Variants in LDAH observed in about 807,000 individuals in gnomAD.
LDAH encodes lipid droplet-associated hydrolase.
Under a neutral mutation model 29.6 loss-of-function variants are expected in LDAH, and 26 were observed. That is an observed-to-expected ratio of 0.88 (90% CI 0.64 to 1.22). The LOEUF is 1.22. Ranked by LOEUF, LDAH falls within the 50% of genes most tolerant of loss-of-function variation. The pLI is 0.00. For missense variants in LDAH, 344 were observed against 387.3 expected (o/e 0.89, Z 0.94); for synonymous variants, 117 against 133.0 (o/e 0.88, Z 0.83).
intron 6 of LDAH, among the ~76,000 whole-genome samples, chr2:20,695,000 C>T (rs1031374477): frequency 1.3e-5 from 2 of 152,264 alleles, no homozygotes; most frequent in African/African-American, 2.4e-5. Flanking sequence ...GCGCCAGTCT[C>T]CTTCTGTGTT....
chr2:20,774,201 C>T (rs2125014907), intron 4 of LDAH, among the ~76,000 whole-genome samples: 1 of 152,316 alleles, frequency 6.6e-6, no homozygotes, highest in South Asian at 2.1e-4. Flanking sequence ...AGTTCACTTG[C>T]TTTCCTGGGC....
intron 1 of LDAH, among the ~76,000 whole-genome samples, chr2:20,814,579 G>A (rs566475316): frequency 1.8e-4 from 27 of 152,112 alleles, no homozygotes; most frequent in African/African-American, 6.3e-4. Context: ...TCCAGCCTCC[G>A]CCCCACAAGT....
intron 5 of LDAH, among the ~76,000 whole-genome samples, chr2:20,734,892 C>T (rs62123977): frequency 0.042 from 6,372 of 152,202 alleles, 216 homozygotes; most frequent in East Asian, 0.13. Flanking sequence ...CTGAAAGACA[C>T]TTTTGCTAGA....
intron 2 of LDAH, among the ~76,000 whole-genome samples, chr2:20,800,868 G>A (rs1671610366): frequency 6.6e-6 from 1 of 152,080 alleles, no homozygotes; most frequent in Non-Finnish European, 1.5e-5. Context: ...TCCTGACCTT[G>A]TGATCCACCC....
At chr2:20,706,214 T>C (rs1423003148) in intron 5 of LDAH, among the ~76,000 whole-genome samples, 3 of 152,056 alleles carry the variant, frequency 2.0e-5, no homozygotes, top group Admixed American at 6.6e-5. Flanking sequence ...AGTGGGGGCT[T>C]AGGAGAAAAA....
At chr2:20,714,246 T>G (rs1032979387) in intron 5 of LDAH, among the ~76,000 whole-genome samples, 2 of 152,166 alleles carry the variant, frequency 1.3e-5, no homozygotes, top group African/African-American at 4.8e-5. Context: ...ATCACACAAC[T>G]ACATGGAAAC....
intron 2 of LDAH, among the ~76,000 whole-genome samples, chr2:20,794,028 G>A (rs1016562192): frequency 6.7e-5 from 10 of 149,634 alleles, no homozygotes; most frequent in African/African-American, 1.8e-4. Flanking sequence ...AGACATACCC[G>A]AAACTGGGCA....
chr2:20,741,000 A>G (rs917386734), intron 4 of LDAH, among the ~76,000 whole-genome samples: 3 of 152,114 alleles, frequency 2.0e-5, no homozygotes, highest in African/African-American at 4.8e-5. Context: ...CTGTCATTTT[A>G]ATTTACATTT....
intron 4 of LDAH, among the ~76,000 whole-genome samples, chr2:20,768,592 GAGCT>G (rs1669203534): frequency 6.6e-6 from 1 of 152,178 alleles, no homozygotes; most frequent in East Asian, 1.9e-4. Flanking sequence ...CCGGCAGCAT[GAGCT>G]GAGCATAGCC....
At chr2:20,795,033 C>T (rs911226813) in intron 2 of LDAH, among the ~76,000 whole-genome samples, 2 of 152,116 alleles carry the variant, frequency 1.3e-5, no homozygotes, top group African/African-American at 2.4e-5. Context: ...GACACACACA[C>T]GGAGGGGTAT....
chr2:20,811,655 T>TTTGTA (rs1312410061), intron 1 of LDAH, among the ~76,000 whole-genome samples: 1 of 151,600 alleles, frequency 6.6e-6, no homozygotes, highest in African/African-American at 2.4e-5. Flanking sequence ...TGGCTAATTT[T>TTTGTA]TTGTATTTTT....
chr2:20,803,071 GATT>G (rs369435756), intron 1 of LDAH, among the ~76,000 whole-genome samples: 22 of 152,300 alleles, frequency 1.4e-4, no homozygotes, highest in African/African-American at 4.8e-4. Context: ...AATATTTGGA[GATT>G]ATTTTCCATT....
chr2:20,743,860 T>C (rs889755179), intron 4 of LDAH, among the ~76,000 whole-genome samples: 5 of 151,568 alleles, frequency 3.3e-5, no homozygotes, highest in Admixed American at 2.0e-4. Flanking sequence ...TCACCTTTTG[T>C]AGTTGTCCTG....
At position 20,710,585 on chromosome 2, in the gene LDAH, GGTGT is replaced by G. The variant is rs376841719; in HGVS notation, c.704-8937_704-8934del. Among the ~76,000 whole-genome samples, 239 of 115,934 alleles carry G rather than the reference GGTGT, an allele frequency of 2.1e-3. 1 individual carries two copies. The highest frequency in any genetic ancestry group is 5.3e-3 in the African/African-American group (180 of 33,868). The allele number at this position is 115,934 out of a possible 152,430, so 76.1% of individuals were successfully genotyped here. A position where few individuals can be genotyped will look rare whatever the true frequency, so the allele number is the denominator to read the frequency against. On this transcript the variant is annotated intron_variant, in intron 5 of 6. Transcript: ENST00000237822. Reference sequence around the variant, plus strand: ...TCACCCCGGACTATATATATATAGGGGTGTGTGTGTGTGTGTGTGTGTATATATA... The same window carrying G: ...TCACCCCGGACTATATATATATAGGGGTGTGTGTGTGTGTGTGTATATATA...
intron 2 of LDAH, among the ~76,000 whole-genome samples, chr2:20,800,559 G>A (rs1206038490): frequency 6.6e-6 from 1 of 152,128 alleles, no homozygotes; most frequent in East Asian, 1.9e-4. Flanking sequence ...CAATGATCTA[G>A]CAAAAGTTAC....
In LDAH at chr2:20,685,136, G is replaced by A; in HGVS notation, c.*1767C>T. On this transcript the variant is annotated 3_prime_UTR_variant, in exon 7 of 7. Transcript: ENST00000237822. ...GAATTAAGAATGAGTATCTTTCTTAGGCTCTAAAAACCAGAAATAAGACAC... is the reference window on the plus strand; with the variant it reads ...GAATTAAGAATGAGTATCTTTCTTAAGCTCTAAAAACCAGAAATAAGACAC... 1 of 589,978 alleles carries A rather than the reference G, an allele frequency of 1.7e-6. No individual in the cohort carries two copies. Among genetic ancestry groups the A allele is most frequent in the Non-Finnish European group, 2.7e-6 (1 of 371,546 alleles). The allele number at this position is 589,978 out of a possible 1,614,324, so 36.5% of individuals were successfully genotyped here.
chr2:20,713,030 T>C (rs1329901311), intron 5 of LDAH, among the ~76,000 whole-genome samples: 1 of 151,332 alleles, frequency 6.6e-6, no homozygotes, highest in Admixed American at 6.6e-5. Flanking sequence ...ATTCCGGAAA[T>C]ACAGAGAACA....
At chr2:20,810,895 T>TA (rs1173648649) in intron 1 of LDAH, among the ~76,000 whole-genome samples, 1 of 152,134 alleles carries the variant, frequency 6.6e-6, no homozygotes, top group African/African-American at 2.4e-5. Context: ...TATGAGAAAC[T>TA]AACGCCCAGT....
At chr2:20,813,071 GTTCT>G (rs935300653) in intron 1 of LDAH, among the ~76,000 whole-genome samples, 6 of 152,114 alleles carry the variant, frequency 3.9e-5, no homozygotes, top group African/African-American at 1.2e-4. Flanking sequence ...CAGAGCTCAT[GTTCT>G]TTATTTTTAA....
Sources: gnomAD v4.1 joint callset for allele counts (sites outside exome capture counted in the v4.1 genomes callset) on GRCh38, gnomAD v4.1.1 for gene constraint, MANE v1.5 for transcripts, NCBI Gene and HGNC (gene_info 2026-07-23, HGNC 2026-07-21) for gene names.